The following CGRRF1 variants were observed in gnomAD, a reference collection of about 807,000 sequenced individuals.
CGRRF1 encodes cell growth regulator with ring finger domain 1.
A neutral mutation model predicts 37.2 loss-of-function variants in CGRRF1; 32 were observed. The observed-to-expected ratio is 0.86, with a 90% CI of 0.65 to 1.16. CGRRF1 has a LOEUF of 1.16. Among genes scored for constraint, CGRRF1 ranks in the 50% most tolerant of loss-of-function variants. The probability of loss-of-function intolerance (pLI) is 0.00; values close to 1 mark genes in which losing one functional copy is unlikely to be tolerated. For synonymous variants in CGRRF1, 141 were observed against 140.3 expected, an observed-to-expected ratio of 1.00 and a Z score of -0.04; for missense variants, 391 against 382.6, an observed-to-expected ratio of 1.02 and a Z score of -0.18.
rs537652633 is a variant in CGRRF1 at position 54,524,938 on chromosome 14, T to G, written c.244+2345T>G. 7.2e-5 allele frequency among the ~76,000 whole-genome samples: 11 copies of G among 152,298 alleles called. No individual in the cohort carries two copies. The East Asian group carries it at 1.7e-3, about 24-fold the overall frequency. On this transcript the variant is annotated intron_variant, in intron 2 of 5. Coordinates refer to ENST00000216420, the MANE Select transcript of CGRRF1 (RefSeq NM_006568.3). ...AAGTGTACACCCAGCTACCAGCTAC[T>G]CGGGAGGATGAGGTGGGAGGATTGC...
Position 54,531,645 on chromosome 14 carries a change from C to T in CGRRF1, c.570+595C>T, listed in dbSNP as rs78682677. Among the ~76,000 whole-genome samples, 323 of 152,216 alleles carry T rather than the reference C, an allele frequency of 2.1e-3. 4 individuals are homozygous for T. Among genetic ancestry groups the T allele is most frequent in the Admixed American group, 0.011 (169 of 15,278 alleles). On this transcript the variant is annotated intron_variant, in intron 4 of 5. Transcript: ENST00000216420. Reference sequence around the variant, plus strand: ...TGTTTCCATCAAAGTCCCTGCTGCACCTATATCTTATATGTCTGGTCCCTG... The same window carrying T: ...TGTTTCCATCAAAGTCCCTGCTGCATCTATATCTTATATGTCTGGTCCCTG...
At chr14:54,521,770 G>A (rs1036317905) in intron 1 of CGRRF1, among the ~76,000 whole-genome samples, 1 of 152,124 alleles carries the variant, frequency 6.6e-6, no homozygotes, top group African/African-American at 2.4e-5. Flanking sequence ...GCCTCCCAAA[G>A]TGCTGGGATT....
chr14:54,527,007 T>C (rs1035445402), intron 2 of CGRRF1, among the ~76,000 whole-genome samples: 2 of 152,216 alleles, frequency 1.3e-5, no homozygotes, highest in African/African-American at 2.4e-5. Context: ...TTTGCAAGGC[T>C]GTCTCTTACA....
intron 2 of CGRRF1, among the ~76,000 whole-genome samples, chr14:54,527,660 CT>C (rs965603271): frequency 6.7e-6 from 1 of 150,140 alleles, no homozygotes; most frequent in African/African-American, 2.5e-5. Flanking sequence ...GGGGCTCTGG[CT>C]TTTTTTTTCT....
chr14:54,530,888 T>C lies in CGRRF1; in HGVS notation c.423-15T>C. The C allele has an allele frequency of 6.4e-7, 1 of 1,559,752 alleles. No homozygotes were observed. ...TATGGTTATAGTGGCAATTTACCTT[T>C]ACATTTTCAAAAAGTATTAAAAAGG... On this transcript the variant is annotated splice_polypyrimidine_tract_variant and intron_variant, in intron 3 of 5. Coordinates refer to ENST00000216420, the MANE Select transcript of CGRRF1 (RefSeq NM_006568.3).
intron 1 of CGRRF1, among the ~76,000 whole-genome samples, chr14:54,512,021 T>C (rs2032137555): frequency 6.6e-6 from 1 of 152,240 alleles, no homozygotes. Context: ...CTAGAAATGA[T>C]GAAAACTTGG....
At chr14:54,531,071 A>C (rs1026292408) in intron 4 of CGRRF1, 21 bp downstream of exon 4, 7 of 1,571,528 alleles carry the variant, frequency 4.5e-6, no homozygotes, top group Middle Eastern at 3.3e-4. Flanking sequence ...GAAAATTTTG[A>C]AAGCATTACC....
intron 2 of CGRRF1, among the ~76,000 whole-genome samples, chr14:54,525,848 G>A (rs1216127405): frequency 6.6e-6 from 1 of 152,188 alleles, no homozygotes; most frequent in Non-Finnish European, 1.5e-5. Flanking sequence ...TGTAATCCCA[G>A]TACTCTGGGA....
intron 2 of CGRRF1, among the ~76,000 whole-genome samples, chr14:54,528,814 C>G (rs75530244): frequency 0.032 from 4,797 of 152,170 alleles, 185 homozygotes; most frequent in East Asian, 0.095. Context: ...TAAAATTTTT[C>G]CTTAAGTATG....
intron 1 of CGRRF1, 25 bp downstream of exon 1, chr14:54,510,088 G>A (rs555650852): frequency 1.3e-6 from 2 of 1,543,310 alleles, no homozygotes; most frequent in East Asian, 2.3e-5. Flanking sequence ...GGTGAGAGAC[G>A]AAGGGGCGGA....
rs528890385 is a variant in CGRRF1 at position 54,530,558 on chromosome 14, T to C, written c.422+332T>C. 1.3e-5 allele frequency: 16 copies of C among 1,239,124 alleles called. No individual in the cohort carries two copies. The South Asian group carries it at 3.4e-4, about 26-fold the overall frequency. 76.8% of individuals were successfully genotyped at this position (1,239,124 alleles called of 1,614,324 possible). A position where few individuals can be genotyped will look rare whatever the true frequency, so the allele number is the denominator to read the frequency against. ...AAGCATTAGAAGATGCTCTGTGGAG[T>C]GAATATCTCTATCAGGAACAGTATT... On this transcript the variant is annotated intron_variant, in intron 3 of 5. Transcript: ENST00000216420.
intron 1 of CGRRF1, among the ~76,000 whole-genome samples, chr14:54,512,122 C>A (rs2032139506): frequency 6.6e-6 from 1 of 152,170 alleles, no homozygotes; most frequent in Non-Finnish European, 1.5e-5. Context: ...ATGTTTTTCA[C>A]CCTTGTCATT....
At chr14:54,534,559 A>G (rs543327856) in intron 4 of CGRRF1, among the ~76,000 whole-genome samples, 2 of 152,320 alleles carry the variant, frequency 1.3e-5, no homozygotes, top group Non-Finnish European at 2.9e-5. Flanking sequence ...TGTTTTTGCA[A>G]CTAATGTAGG....
At chr14:54,529,724 TG>T (rs1373300431) in intron 2 of CGRRF1, among the ~76,000 whole-genome samples, 9 of 152,326 alleles carry the variant, frequency 5.9e-5, no homozygotes, top group African/African-American at 2.2e-4. Flanking sequence ...TTATCAATAG[TG>T]AACTGTATTT....
chr14:54,518,128 G>C (rs2032247702), intron 1 of CGRRF1, among the ~76,000 whole-genome samples: 1 of 152,072 alleles, frequency 6.6e-6, no homozygotes, highest in Admixed American at 6.5e-5. Context: ...ATATTCCTTT[G>C]GGTATATACT....
intron 4 of CGRRF1, among the ~76,000 whole-genome samples, chr14:54,535,187 A>G (rs894443499): frequency 6.6e-6 from 1 of 152,194 alleles, no homozygotes; most frequent in African/African-American, 2.4e-5. Flanking sequence ...CATCTGCTTT[A>G]TAAATTTAAC....
chr14:54,534,356 C>A (rs2032567703), intron 4 of CGRRF1, among the ~76,000 whole-genome samples: 1 of 152,118 alleles, frequency 6.6e-6, no homozygotes, highest in South Asian at 2.1e-4. Flanking sequence ...AACTCCTGAC[C>A]TCGTGATCGA....
In CGRRF1 at chr14:54,521,550, G is replaced by A. The variant is rs139860247; in HGVS notation, c.105-904G>A. ...GACGAAATCTTGCTCTGTTGCCCAG[G>A]CTGGAGTCCAGTGGCACGATCTCGG... On this transcript the variant is annotated intron_variant, in intron 1 of 5. Transcript: ENST00000216420. Among the ~76,000 whole-genome samples, 612 of 151,532 alleles carry A rather than the reference G, an allele frequency of 4.0e-3. 3 individuals are homozygous for A. The highest frequency in any genetic ancestry group is 6.7e-3 in the Non-Finnish European group (452 of 67,908).
chr14:54,510,128 C>CA, intron 1 of CGRRF1, 65 bp downstream of exon 1: 1 of 1,253,590 alleles, frequency 8.0e-7, no homozygotes, highest in Non-Finnish European at 1.2e-6. Flanking sequence ...CGACGAGCAG[C>CA]AGGGGGCACC....
Sources: allele counts gnomAD v4.1 joint callset (sites outside exome capture counted in the v4.1 genomes callset), GRCh38; gene constraint gnomAD v4.1.1; transcripts MANE v1.5; gene names NCBI Gene and HGNC (gene_info 2026-07-23, HGNC 2026-07-21).